Variants in NID1 observed in about 807,000 individuals in gnomAD.
NID1 encodes nidogen-1.
A neutral mutation model predicts 130.6 loss-of-function variants in NID1; 76 were observed. That is an observed-to-expected ratio of 0.58 (90% CI 0.48 to 0.70). The LOEUF (loss-of-function observed/expected upper bound fraction) is 0.70, where lower values mean the gene tolerates loss of function less well. NID1 is among the 30% of genes least tolerant of loss of function. The probability of loss-of-function intolerance (pLI) is 0.00; values close to 1 mark genes in which losing one functional copy is unlikely to be tolerated. For synonymous variants in NID1, 665 were observed against 675.1 expected, an observed-to-expected ratio of 0.98 and a Z score of 0.23; for missense variants, 1,517 against 1,664.8, an observed-to-expected ratio of 0.91 and a Z score of 1.54.
chr1:236,038,715 T>C (rs1408639253), intron 4 of NID1, among the ~76,000 whole-genome samples: 1 of 130,308 alleles, frequency 7.7e-6, no homozygotes, highest in Non-Finnish European at 1.6e-5. Context: ...ATATTACCTA[T>C]GTTATATAGG....
intron 4 of NID1, 135 bp from the exon 5 acceptor site, chr1:236,038,388 CAGA>C (rs1659326466): frequency 2.4e-6 from 2 of 835,166 alleles, no homozygotes; most frequent in African/African-American, 3.5e-5. Context: ...AGGCTCACTA[CAGA>C]AGATTACAAT....
At chr1:235,996,910 C>T (rs1657941890) in intron 12 of NID1, among the ~76,000 whole-genome samples, 1 of 152,138 alleles carries the variant, frequency 6.6e-6, no homozygotes, top group South Asian at 2.1e-4. Flanking sequence ...TCTCGGCTCA[C>T]TGCAAACTCT....
rs1401635457 is a variant in NID1, at chr1:235,976,249, G to GA, written c.*1617dup. ...CAGAAGCAAGTGAGGACAAAGTCAG[G>GA]AGAAGGTGGGGCAGAGAGGCTGAGT... On this transcript the variant is annotated 3_prime_UTR_variant, in exon 20 of 20. Transcript: ENST00000264187. 1 of 152,216 alleles carries GA rather than the reference G, an allele frequency of 6.6e-6. No individual in the cohort carries two copies. Among genetic ancestry groups the GA allele is most frequent in the Non-Finnish European group, 1.5e-5 (1 of 68,046 alleles). 9.4% of individuals were successfully genotyped at this position (152,216 alleles called of 1,614,324 possible). A position where few individuals can be genotyped will look rare whatever the true frequency, so the allele number is the denominator to read the frequency against.
At position 236,017,135 on chromosome 1, in the gene NID1, C is replaced by T; in HGVS notation, c.2254+13G>A. 6.2e-7 allele frequency: 1 copy of T among 1,614,002 alleles called. No individual in the cohort carries two copies. Among genetic ancestry groups the T allele is most frequent in the East Asian group, 2.2e-5 (1 of 44,872 alleles). The stretch of plus-strand genomic sequence containing the variant: ...TGTGAATACTGTTTCGAAAAGTTAC[C>T]TGGAGAACTTACCCACACACGTTCC... On this transcript the variant is annotated intron_variant, in intron 10 of 19. Coordinates refer to ENST00000264187, the MANE Select transcript of NID1 (RefSeq NM_002508.3).
rs1657249917 is a variant in NID1 at position 235,976,358 on chromosome 1, T to C, written c.*1509A>G. The stretch of plus-strand genomic sequence containing the variant: ...ATTCTTCCATGTTCTCAAGTATAAG[T>C]GGTCTTTGGCAAAATGTACCATTTT... On this transcript the variant is annotated 3_prime_UTR_variant, in exon 20 of 20. Transcript: ENST00000264187. The C allele has an allele frequency of 6.6e-6, 1 of 152,162 alleles. No individual in the cohort carries two copies. The highest frequency in any genetic ancestry group is 1.5e-5 in the Non-Finnish European group (1 of 68,026). 9.4% of individuals were successfully genotyped at this position (152,162 alleles called of 1,614,324 possible). A position where few individuals can be genotyped will look rare whatever the true frequency, so the allele number is the denominator to read the frequency against.
intron 14 of NID1, among the ~76,000 whole-genome samples, 184 bp from the exon 15 acceptor site, chr1:235,985,689 T>C (rs1197151007): frequency 6.6e-6 from 1 of 152,196 alleles, no homozygotes; most frequent in Non-Finnish European, 1.5e-5. Flanking sequence ...ACTCCTGTCA[T>C]ATACACATAT....
chr1:236,003,105 C>G (rs61833484), intron 12 of NID1, among the ~76,000 whole-genome samples: 58,419 of 101,088 alleles, frequency 0.58, 20,747 homozygotes, highest in East Asian at 0.83. Flanking sequence ...TAGTGAACGA[C>G]TGGTAGTTGT....
chr1:236,049,299 A>G (rs1487185908), intron 1 of NID1, among the ~76,000 whole-genome samples: 1 of 152,120 alleles, frequency 6.6e-6, no homozygotes, highest in Non-Finnish European at 1.5e-5. Flanking sequence ...CATCAAAGTG[A>G]GATCCCATCT....
chr1:236,035,105 C>T (rs1306725314), intron 5 of NID1, among the ~76,000 whole-genome samples: 1 of 140,188 alleles, frequency 7.1e-6, no homozygotes, highest in Non-Finnish European at 1.5e-5. Flanking sequence ...AACTCGTCAT[C>T]TAGCATTAGG....
intron 1 of NID1, among the ~76,000 whole-genome samples, chr1:236,064,222 G>A (rs762606252): frequency 2.6e-5 from 4 of 152,196 alleles, no homozygotes; most frequent in Non-Finnish European, 5.9e-5. Flanking sequence ...CCCGCTCCTC[G>A]TTTGGGGCCT....
At chr1:236,006,727 C>A (rs1658259276) in intron 12 of NID1, among the ~76,000 whole-genome samples, 1 of 152,152 alleles carries the variant, frequency 6.6e-6, no homozygotes, top group Non-Finnish European at 1.5e-5. Flanking sequence ...AGAGAGGAGG[C>A]TATGATTGGG....
intron 7 of NID1, among the ~76,000 whole-genome samples, chr1:236,028,540 C>T (rs370159745): frequency 1.5e-3 from 230 of 152,188 alleles, no homozygotes; most frequent in African/African-American, 5.3e-3. Context: ...CTATACATAT[C>T]ACTGTGTATC....
In NID1 at chr1:235,976,843, T is replaced by C. The variant is rs147768599; in HGVS notation, c.*1024A>G. The C allele has an allele frequency of 2.6e-5, 4 of 152,080 alleles. No individual in the cohort carries two copies. The highest frequency in any genetic ancestry group is 9.6e-5 in the African/African-American group (4 of 41,492). 9.4% of individuals were successfully genotyped at this position (152,080 alleles called of 1,614,324 possible). A position where few individuals can be genotyped will look rare whatever the true frequency, so the allele number is the denominator to read the frequency against. On this transcript the variant is annotated 3_prime_UTR_variant, in exon 20 of 20. Coordinates refer to ENST00000264187, the MANE Select transcript of NID1 (RefSeq NM_002508.3). Reference sequence around the variant, plus strand: ...AAACCAAGGAGGGGTGAGGTCATGGTTGAGTGTAAATTGGTTCTGTCATGT... The same window carrying C: ...AAACCAAGGAGGGGTGAGGTCATGGCTGAGTGTAAATTGGTTCTGTCATGT...
chr1:236,045,412 A>G, intron 3 of NID1, 45 bp downstream of exon 3: 1 of 1,384,776 alleles, frequency 7.2e-7, no homozygotes, highest in Non-Finnish European at 1.0e-6. Flanking sequence ...ATCCACATTA[A>G]AAAATATTAA....
intron 2 of NID1, among the ~76,000 whole-genome samples, chr1:236,048,274 G>A (rs1455444892): frequency 6.6e-6 from 1 of 151,886 alleles, no homozygotes; most frequent in Non-Finnish European, 1.5e-5. Context: ...GGCGAAGCTT[G>A]CAGTGAGCCA....
chr1:236,008,619 A>G (rs958528296), intron 12 of NID1, among the ~76,000 whole-genome samples: 6 of 150,968 alleles, frequency 4.0e-5, no homozygotes, highest in African/African-American at 7.3e-5. Flanking sequence ...TCCTGCCTCA[A>G]CCTCCTGAGT....
At chr1:235,980,740 C>G in intron 16 of NID1, 87 bp from the exon 17 acceptor site, 1 of 1,363,076 alleles carries the variant, frequency 7.3e-7, no homozygotes, top group East Asian at 2.3e-5. Context: ...AAAAGAATTA[C>G]AATGAAGTGA....
rs1388571945 is a variant in NID1 at position 235,979,719 on chromosome 1, C to T, written c.3509+103G>A. On this transcript the variant is annotated intron_variant, in intron 18 of 19. Transcript: ENST00000264187. This position sits in a 1 kb window ranked among gnomAD's most constrained non-coding sequence, Gnocchi z 4.6. The stretch of plus-strand genomic sequence containing the variant: ...TCTCTAGAGGGGGCATTTCTGGAGG[C>T]TCAAAAGTCAAGCCAAGAGGCCAGA... 1.4e-6 allele frequency: 2 copies of T among 1,381,812 alleles called. No individual in the cohort carries two copies. The highest frequency in any genetic ancestry group is 1.8e-5 in the Admixed American group (1 of 55,284). The allele number at this position is 1,381,812 out of a possible 1,614,324, so 85.6% of individuals were successfully genotyped here.
chr1:236,019,786 A>ACTATCTTTCCAGTGGCTCAGGCC (rs1209686511), intron 9 of NID1, among the ~76,000 whole-genome samples: 2 of 152,186 alleles, frequency 1.3e-5, no homozygotes, highest in Non-Finnish European at 2.9e-5. Context: ...TCAGGCCTGT[A>ACTATCTTTCCAGTGGCTCAGGCC]ACCCCAGCAC....
Sources: gnomAD v4.1 joint callset for allele counts (sites outside exome capture counted in the v4.1 genomes callset) on GRCh38, gnomAD v4.1.1 for gene constraint, Gnocchi (gnomAD v3.1) non-coding constraint, MANE v1.5 for transcripts, NCBI Gene and HGNC (gene_info 2026-07-23, HGNC 2026-07-21) for gene names.